The following NBPF12 variants were observed in gnomAD, a reference collection of about 807,000 sequenced individuals.
NBPF12 encodes the protein NBPF member 12.
In NBPF12, 115 loss-of-function variants were observed where a neutral mutation model predicts 146.4. The ratio of observed to expected loss-of-function variants is 0.79; its 90% CI spans 0.68 to 0.92. The LOEUF is 0.92. NBPF12 is among the 40% of genes least tolerant of loss of function. The pLI is 0.00. For synonymous variants in NBPF12, 385 were observed against 508.9 expected, an observed-to-expected ratio of 0.76 and a Z score of 3.28; for missense variants, 1,205 against 1,326.8, an observed-to-expected ratio of 0.91 and a Z score of 1.43.
intron 19 of NBPF12, among the ~76,000 whole-genome samples, chr1:146,981,334 T>C (rs1207323348): frequency 0.043 from 5,212 of 120,374 alleles, 125 homozygotes; most frequent in East Asian, 0.12. Flanking sequence ...CAAAAAATAA[T>C]AAAGGAAAAC....
intron 31 of NBPF12, among the ~76,000 whole-genome samples, chr1:146,992,432 C>G (rs1210856107): frequency 8.0e-6 from 1 of 125,660 alleles, no homozygotes; most frequent in Non-Finnish European, 1.6e-5. Flanking sequence ...TCACTGAGCT[C>G]GTTCTCTCTC....
At chr1:146,994,499 T>A in exon 34 of NBPF12, 1 of 1,609,392 alleles carries the variant, frequency 6.2e-7, no homozygotes, top group South Asian at 1.1e-5. Context: ...GCCCTTGACA[T>A]GGACAATAGC....
chr1:146,984,333 A>G (rs1657580086), intron 21 of NBPF12, 148 bp downstream of exon 24: 2 of 643,814 alleles, frequency 3.1e-6, no homozygotes, highest in African/African-American at 1.8e-5. Flanking sequence ...GGTTCTCATT[A>G]GAGTAAATGT....
At chr1:146,978,096 G>C (rs1266186775) in intron 18 of NBPF12, among the ~76,000 whole-genome samples, 483 of 151,486 alleles carry the variant, frequency 3.2e-3, no homozygotes, top group Non-Finnish European at 5.1e-3. Flanking sequence ...CTTTCATCTG[G>C]ATCTCCTTTA....
chr1:146,953,874 T>C (rs1167564303), intron 2 of NBPF12, among the ~76,000 whole-genome samples: 1 of 151,996 alleles, frequency 6.6e-6, no homozygotes, highest in Non-Finnish European at 1.5e-5. Context: ...ATTGAAAGAA[T>C]TGAAGCTGTC....
intron 8 of NBPF12, 117 bp from the exon 12 acceptor site, chr1:146,966,347 G>T: frequency 2.1e-6 from 2 of 938,006 alleles, no homozygotes; most frequent in Admixed American, 1.7e-5. Flanking sequence ...TGAAACCAGG[G>T]AAACATCATC....
exon 14 of NBPF12, chr1:146,972,901 A>G (rs1553886815): frequency 1.3e-5 from 14 of 1,049,456 alleles, no homozygotes; most frequent in Non-Finnish European, 2.0e-5. Flanking sequence ...AGAAGCCTCA[A>G]AGAGAAATGT....
intron 2 of NBPF12, among the ~76,000 whole-genome samples, chr1:146,954,105 C>G (rs1419602563): frequency 6.7e-6 from 1 of 149,082 alleles, no homozygotes; most frequent in African/African-American, 2.5e-5. Flanking sequence ...TAAATAAATT[C>G]AACAGACTGG....
chr1:146,966,714 C>T lies in NBPF12; in HGVS notation c.988+41C>T, dbSNP rs1553885715. The T allele has an allele frequency of 3.9e-4, 427 of 1,088,002 alleles. 5 individuals are homozygous for T. In the Middle Eastern group the frequency reaches 8.5e-3, roughly 22 times the overall value. The allele number at this position is 1,088,002 out of a possible 1,614,324, so 67.4% of individuals were successfully genotyped here. On this transcript the variant is annotated intron_variant, in intron 9 of 33. Transcript: ENST00000617844. ...TCACCATCACGAAAGTGATGAACAA[C>T]GTCCTGTCTTCTCTCTGAGAAACTA...
At position 146,971,493 on chromosome 1, in the gene NBPF12, C is replaced by T. The variant is rs1656608770; in HGVS notation, c.1591+99C>T. ...ATACACATATTGTTATTGTTTTAGT[C>T]AGAAACTAGGATGGAACTAGGTGCT... On this transcript the variant is annotated intron_variant, in intron 13 of 33. Transcript: ENST00000617844. 2.4e-5 allele frequency: 23 copies of T among 947,002 alleles called. No individual in the cohort carries two copies. The South Asian group carries it at 3.6e-4, about 15-fold the overall frequency. 58.7% of individuals were successfully genotyped at this position (947,002 alleles called of 1,614,324 possible). A position where few individuals can be genotyped will look rare whatever the true frequency, so the allele number is the denominator to read the frequency against.
chr1:146,972,760 C>T (rs1484659926), exon 14 of NBPF12: 25 of 1,286,512 alleles, frequency 1.9e-5, no homozygotes, highest in Admixed American at 1.7e-4. Flanking sequence ...GTCCCTGGCC[C>T]CACCTCTTCT....
At position 146,962,148 on chromosome 1, in the gene NBPF12, G is replaced by A; in HGVS notation, c.176-13G>A. On this transcript the variant is annotated splice_polypyrimidine_tract_variant and intron_variant, in intron 4 of 33. Transcript: ENST00000617844. ...GCCTTCCACTGAGGCAGGCGTGTCTGTCTTTTTCTCAGAGTATGAAGAGTG... is the reference window on the plus strand; with the variant it reads ...GCCTTCCACTGAGGCAGGCGTGTCTATCTTTTTCTCAGAGTATGAAGAGTG... 1.2e-6 allele frequency: 2 copies of A among 1,608,522 alleles called. No homozygotes were observed. Among genetic ancestry groups the A allele is most frequent in the Non-Finnish European group, 1.7e-6 (2 of 1,177,804 alleles).
At chr1:146,971,092 A>C in intron 12 of NBPF12, 91 bp from the exon 16 acceptor site, 1 of 1,595,060 alleles carries the variant, frequency 6.3e-7, no homozygotes, top group Non-Finnish European at 8.6e-7. Flanking sequence ...CCACTCTCTT[A>C]ATGCCGCTTG....
chr1:146,953,109 C>T lies in NBPF12; in HGVS notation c.-184+1620C>T, dbSNP rs1553884053. Reference sequence around the variant, plus strand: ...GAGATGCTGCATGGATTTGCCCTCCCTGCTGTCAGAACAACAGGATTCTGG... The same window carrying T: ...GAGATGCTGCATGGATTTGCCCTCCTTGCTGTCAGAACAACAGGATTCTGG... On this transcript the variant is annotated intron_variant, in intron 2 of 33. Coordinates refer to ENST00000617844, the Ensembl canonical transcript of NBPF12. Among the ~76,000 whole-genome samples, 108 of 141,102 alleles carry T rather than the reference C, an allele frequency of 7.7e-4. 3 individuals are homozygous for T. The highest frequency in any genetic ancestry group is 3.0e-3 in the African/African-American group (108 of 36,592). 92.6% of individuals were successfully genotyped at this position (141,102 alleles called of 152,430 possible). A position where few individuals can be genotyped will look rare whatever the true frequency, so the allele number is the denominator to read the frequency against.
At chr1:146,954,351 C>CTGCA (rs1443057230) in intron 2 of NBPF12, among the ~76,000 whole-genome samples, 2 of 107,074 alleles carry the variant, frequency 1.9e-5, no homozygotes, top group African/African-American at 7.1e-5. Flanking sequence ...GATCGCATCA[C>CTGCA]TGCACTCCAG....
chr1:146,961,916 G>A (rs1655875950), intron 4 of NBPF12, among the ~76,000 whole-genome samples: 1 of 152,120 alleles, frequency 6.6e-6, no homozygotes, highest in African/African-American at 2.4e-5. Context: ...CTTCGTGGTG[G>A]TTGAATCATC....
upstream of NBPF12, among the ~76,000 whole-genome samples, chr1:146,938,533 G>A (rs1454203716): frequency 4.6e-5 from 7 of 152,126 alleles, no homozygotes; most frequent in Non-Finnish European, 1.5e-5. Flanking sequence ...TCCCCGCTGC[G>A]CTCCGTCCTC....
chr1:146,981,286 A>AT (rs1216452163), intron 19 of NBPF12, among the ~76,000 whole-genome samples: 103 of 104,516 alleles, frequency 9.9e-4, no homozygotes, highest in Admixed American at 2.4e-3. Flanking sequence ...TTAAAAAAAA[A>AT]AAAAAAAAAT....
At position 146,965,224 on chromosome 1, in the gene NBPF12, G is replaced by A. The variant is rs1253610298; in HGVS notation, c.778+120G>A. ...TAGTCAGAAACTAGGATGGAGCTAG[G>A]TGCTGTGACTCACACATATAATCAC... On this transcript the variant is annotated intron_variant, in intron 8 of 33. Transcript: ENST00000617844. 25 of 741,858 alleles carry A rather than the reference G, an allele frequency of 3.4e-5. No homozygotes were observed. In the Admixed American group the frequency reaches 3.5e-4, roughly 10 times the overall value. The allele number at this position is 741,858 out of a possible 1,614,324, so 46.0% of individuals were successfully genotyped here.
Sources: allele counts gnomAD v4.1 joint callset (sites outside exome capture counted in the v4.1 genomes callset), GRCh38; gene constraint gnomAD v4.1.1; transcripts MANE v1.5; gene names NCBI Gene and HGNC (gene_info 2026-07-23, HGNC 2026-07-21).